MYT1: variants seen among roughly 807,000 people sequenced by gnomAD.
MYT1 encodes the protein myelin transcription factor I.
A neutral mutation model predicts 123.0 loss-of-function variants in MYT1; 23 were observed. The ratio of observed to expected loss-of-function variants is 0.19; its 90% CI spans 0.13 to 0.26. The LOEUF (loss-of-function observed/expected upper bound fraction) is 0.26, where lower values mean the gene tolerates loss of function less well. Ranked by LOEUF, MYT1 falls within the 10% of genes least tolerant of loss-of-function variation. MYT1 has a pLI of 1.00. For synonymous variants in MYT1, 518 were observed against 575.3 expected, an observed-to-expected ratio of 0.90 and a Z score of 1.43; for missense variants, 1,125 against 1,472.5, an observed-to-expected ratio of 0.76 and a Z score of 3.86.
rs924474304 is a variant in MYT1, at chr20:64,208,096, GGAA to G, written c.903_905del (p.Glu306del). On this transcript the variant is annotated inframe_deletion, in exon 7 of 23. Transcript: ENST00000328439. The surrounding 1 kb of genome is among the most constrained non-coding windows in gnomAD (Gnocchi z 5.4). ...AGGAAGAGGAGGAGGAAGAGGAAGA[GGAA>G]GAGGAGGAGGAGGAGGCAGCTCCTG... 11 of 1,609,570 alleles carry G rather than the reference GGAA, an allele frequency of 6.8e-6. No homozygotes were observed. The highest frequency in any genetic ancestry group is 8.5e-6 in the Non-Finnish European group (10 of 1,178,206).
At position 64,192,560 on chromosome 20, in the gene MYT1, G is replaced by A. The variant is rs1233587671; in HGVS notation, c.-1+2400G>A. On this transcript the variant is annotated intron_variant, in intron 2 of 22. Coordinates refer to ENST00000328439, the MANE Select transcript of MYT1 (RefSeq NM_004535.3). The surrounding 1 kb of genome is among the most constrained non-coding windows in gnomAD (Gnocchi z 5.3). ...GTGCATGGGACCGTCACAGCCTGCG[G>A]CGTGCCTCTGAGTTCAGCACCAGGC... is the stretch of plus-strand genomic sequence containing the variant. Among the ~76,000 whole-genome samples, 3 of 152,210 alleles carry A rather than the reference G, an allele frequency of 2.0e-5. No homozygotes were observed. In the East Asian group the frequency reaches 5.8e-4, roughly 29 times the overall value.
Position 64,196,630 on chromosome 20 carries a change from C to T in MYT1, c.1-2232C>T, listed in dbSNP as rs2145707568. On this transcript the variant is annotated intron_variant, in intron 2 of 22. Coordinates refer to ENST00000328439, the MANE Select transcript of MYT1 (RefSeq NM_004535.3). The surrounding 1 kb of genome is among the most constrained non-coding windows in gnomAD (Gnocchi z 4.3). ...CCTTTAAAAATCAAAGCTACACGCT[C>T]CTAAGAGAACTTCTCGCTTATTGAC... 6.6e-6 allele frequency among the ~76,000 whole-genome samples: 1 copy of T among 152,308 alleles called. No homozygotes were observed. Among genetic ancestry groups the T allele is most frequent in the East Asian group, 1.9e-4 (1 of 5,192 alleles).
chr20:64,222,383 C>T (rs1379673576), intron 14 of MYT1, among the ~76,000 whole-genome samples: 4 of 152,206 alleles, frequency 2.6e-5, no homozygotes, highest in Non-Finnish European at 5.9e-5. Context: ...CACCCAGAGG[C>T]CTGGCCCTCT....
At position 64,186,035 on chromosome 20, in the gene MYT1, C is replaced by A. The variant is rs907068484; in HGVS notation, c.-98-4028C>A. Reference sequence around the variant, plus strand: ...GACGGGGGGCTACAGCTCAGCACTGCACATCTCCCTGGCCTGTGTTGGAGT... The same window carrying A: ...GACGGGGGGCTACAGCTCAGCACTGAACATCTCCCTGGCCTGTGTTGGAGT... On this transcript the variant is annotated intron_variant, in intron 1 of 22. Transcript: ENST00000328439. This position sits in a 1 kb window ranked among gnomAD's most constrained non-coding sequence, Gnocchi z 4.3. Among the ~76,000 whole-genome samples, 2 of 152,224 alleles carry A rather than the reference C, an allele frequency of 1.3e-5. No homozygotes were observed. The highest frequency in any genetic ancestry group is 2.4e-5 in the African/African-American group (1 of 41,440).
intron 12 of MYT1, among the ~76,000 whole-genome samples, 187 bp from the exon 13 acceptor site, chr20:64,219,526 C>A (rs1180557588): frequency 6.6e-6 from 1 of 152,162 alleles, no homozygotes; most frequent in African/African-American, 2.4e-5. Context: ...AATTGTAGGG[C>A]CCCCTTCATG....
Position 64,189,768 on chromosome 20 carries a change from GC to G in MYT1, c.-98-294del, listed in dbSNP as rs1982912936. 1.3e-5 allele frequency among the ~76,000 whole-genome samples: 2 copies of G among 152,194 alleles called. No homozygotes were observed. Among genetic ancestry groups the G allele is most frequent in the Non-Finnish European group, 2.9e-5 (2 of 68,032 alleles). Reference sequence around the variant, plus strand: ...GGTGGCTCTCAGCTGCCTTGTCCCAGCACTCTGCTGGCCGTGGTTGTCAGTG... The same window carrying G: ...GGTGGCTCTCAGCTGCCTTGTCCCAGACTCTGCTGGCCGTGGTTGTCAGTG... On this transcript the variant is annotated intron_variant, in intron 1 of 22. Transcript: ENST00000328439. This position sits in a 1 kb window ranked among gnomAD's most constrained non-coding sequence, Gnocchi z 5.5.
rs1982997148 is a variant in MYT1, at chr20:64,192,531, C to T, written c.-1+2371C>T. On this transcript the variant is annotated intron_variant, in intron 2 of 22. Coordinates refer to ENST00000328439, the MANE Select transcript of MYT1 (RefSeq NM_004535.3). This position sits in a 1 kb window ranked among gnomAD's most constrained non-coding sequence, Gnocchi z 5.3. ...CATGGGAGGGCAGTGAACACACAAA[C>T]CCTGTGCATGGGACCGTCACAGCCT... 6.6e-6 allele frequency among the ~76,000 whole-genome samples: 1 copy of T among 152,178 alleles called. No individual in the cohort carries two copies.
Sources: gnomAD v4.1 joint callset for allele counts (sites outside exome capture counted in the v4.1 genomes callset) on GRCh38, gnomAD v4.1.1 for gene constraint, Gnocchi (gnomAD v3.1) non-coding constraint, MANE v1.5 for transcripts, NCBI Gene and HGNC (gene_info 2026-07-23, HGNC 2026-07-21) for gene names.